ATP8A2: variants seen among roughly 807,000 people sequenced by gnomAD.
The protein encoded by ATP8A2 is phospholipid-transporting ATPase IB.
Under a neutral mutation model 165.6 loss-of-function variants are expected in ATP8A2, and 100 were observed. The observed-to-expected ratio is 0.60, with a 90% CI of 0.51 to 0.71. The LOEUF (loss-of-function observed/expected upper bound fraction) is 0.71, where lower values mean the gene tolerates loss of function less well. Ranked by LOEUF, ATP8A2 falls within the 30% of genes least tolerant of loss-of-function variation. ATP8A2 has a pLI of 0.00. For missense variants in ATP8A2, 1,227 were observed against 1,479.5 expected, an observed-to-expected ratio of 0.83 and a Z score of 2.80; for synonymous variants, 543 against 548.8, an observed-to-expected ratio of 0.99 and a Z score of 0.15.
chr13:26,002,894 GTA>G (rs1555303682), intron 35 of ATP8A2, among the ~76,000 whole-genome samples: 15 of 136,966 alleles, frequency 1.1e-4, no homozygotes, highest in African/African-American at 1.9e-4. Context: ...GTGTGTGTGT[GTA>G]TGTACCACAG....
chr13:25,555,797 A>G (rs752728866), intron 13 of ATP8A2, among the ~76,000 whole-genome samples: 12 of 151,934 alleles, frequency 7.9e-5, no homozygotes, highest in Non-Finnish European at 1.6e-4. Flanking sequence ...AGTAGTCCCC[A>G]GTGTCTCTTG....
intron 25 of ATP8A2, among the ~76,000 whole-genome samples, chr13:25,759,951 C>T (rs1432094855): frequency 1.3e-5 from 2 of 152,158 alleles, no homozygotes; most frequent in Non-Finnish European, 1.5e-5. Context: ...TGTGGACATG[C>T]GATAAAATTG....
Position 25,911,860 on chromosome 13 carries a change from T to C in ATP8A2, c.3183+49452T>C, listed in dbSNP as rs116796777. Reference sequence around the variant, plus strand: ...ATCGTTTTGCCTGGTACTGAGGCTCTAGAATTTGTTTTAAAAAATTAACTG... The same window carrying C: ...ATCGTTTTGCCTGGTACTGAGGCTCCAGAATTTGTTTTAAAAAATTAACTG... On this transcript the variant is annotated intron_variant, in intron 33 of 36. Transcript: ENST00000381655. Among the ~76,000 whole-genome samples, 1,451 of 152,348 alleles carry C rather than the reference T, an allele frequency of 9.5e-3. 22 individuals are homozygous for C. The highest frequency in any genetic ancestry group is 0.033 in the African/African-American group (1,365 of 41,560).
At chr13:25,616,326 CTTT>C (rs535891442) in intron 24 of ATP8A2, among the ~76,000 whole-genome samples, 22 of 106,722 alleles carry the variant, frequency 2.1e-4, no homozygotes, top group African/African-American at 7.2e-4. Flanking sequence ...TTCTTTCTTT[CTTT>C]TTTTTTTTTT....
chr13:25,864,652 A>G (rs2138777034), intron 33 of ATP8A2, among the ~76,000 whole-genome samples: 1 of 152,356 alleles, frequency 6.6e-6, no homozygotes, highest in Middle Eastern at 3.4e-3. Context: ...TTTTTCTTTA[A>G]AACATGTCAT....
intron 2 of ATP8A2, among the ~76,000 whole-genome samples, chr13:25,474,889 G>C (rs2137548126): frequency 6.6e-6 from 1 of 152,002 alleles, no homozygotes; most frequent in East Asian, 1.9e-4. Context: ...GGAGTGCAGT[G>C]GTGCAATCTC....
intron 33 of ATP8A2, among the ~76,000 whole-genome samples, chr13:25,916,698 G>A (rs1954277483): frequency 1.3e-5 from 2 of 152,156 alleles, no homozygotes; most frequent in Non-Finnish European, 2.9e-5. Flanking sequence ...GTCACTTTTT[G>A]TAGCTTTTGG....
In ATP8A2 at chr13:26,019,798, A is replaced by T. The variant is rs1181593346; in HGVS notation, c.3470-90A>T. On this transcript the variant is annotated intron_variant, in intron 36 of 36. Transcript: ENST00000381655. ...GAGGCCAGATGTCGCACTCACCCGCACGCTGCCAAAAAAAAGCAGCTTATT... is the reference window on the plus strand; with the variant it reads ...GAGGCCAGATGTCGCACTCACCCGCTCGCTGCCAAAAAAAAGCAGCTTATT... 2.2e-5 allele frequency: 19 copies of T among 863,926 alleles called. No individual in the cohort carries two copies. In the East Asian group the frequency reaches 4.6e-4, roughly 21 times the overall value. The allele number at this position is 863,926 out of a possible 1,614,324, so 53.5% of individuals were successfully genotyped here.
intron 33 of ATP8A2, among the ~76,000 whole-genome samples, chr13:25,884,910 G>A (rs1953096759): frequency 6.6e-6 from 1 of 152,084 alleles, no homozygotes; most frequent in South Asian, 2.1e-4. Context: ...CCTGGCCTCT[G>A]CCGACTGTTG....
intron 16 of ATP8A2, among the ~76,000 whole-genome samples, chr13:25,564,354 A>G (rs1220279324): frequency 6.6e-6 from 1 of 152,222 alleles, no homozygotes; most frequent in Non-Finnish European, 1.5e-5. Flanking sequence ...TTGTGAATCT[A>G]AGAGGCCAAG....
rs116750004 is a variant in ATP8A2, at chr13:25,830,393, T to G, written c.2754+2201T>G. Among the ~76,000 whole-genome samples the G allele has an allele frequency of 4.5e-3, 678 of 152,206 alleles. 4 individuals are homozygous for G. Among genetic ancestry groups the G allele is most frequent in the African/African-American group, 0.015 (641 of 41,524 alleles). On this transcript the variant is annotated intron_variant, in intron 28 of 36. Coordinates refer to ENST00000381655, the MANE Select transcript of ATP8A2 (RefSeq NM_016529.6). Reference sequence around the variant, plus strand: ...CCCCTAAACTATACAGAGAGTACACTGTGATAGAAAAGTGTATTTCAAGGT... The same window carrying G: ...CCCCTAAACTATACAGAGAGTACACGGTGATAGAAAAGTGTATTTCAAGGT...
intron 2 of ATP8A2, among the ~76,000 whole-genome samples, chr13:25,512,710 C>G (rs561158628): frequency 1.4e-5 from 2 of 141,786 alleles, no homozygotes; most frequent in African/African-American, 5.3e-5. Flanking sequence ...CCCTCCCGGA[C>G]GGGGCAGCTG....
At chr13:25,753,440 T>C (rs2044196522) in intron 25 of ATP8A2, among the ~76,000 whole-genome samples, 1 of 152,224 alleles carries the variant, frequency 6.6e-6, no homozygotes, top group African/African-American at 2.4e-5. Flanking sequence ...TTTGCCTTTC[T>C]ACAGAGTACA....
intron 19 of ATP8A2, among the ~76,000 whole-genome samples, chr13:25,575,437 A>G (rs1292073238): frequency 6.6e-6 from 1 of 152,230 alleles, no homozygotes; most frequent in Non-Finnish European, 1.5e-5. Flanking sequence ...ATAAGGAAAC[A>G]TATCTTAATT....
At chr13:25,921,170 T>C (rs1181998) in intron 33 of ATP8A2, among the ~76,000 whole-genome samples, 116,486 of 152,148 alleles carry the variant, frequency 0.77, 44,801 homozygotes, top group East Asian at 0.99. Flanking sequence ...CTCACTCCCA[T>C]TGCGTTGTAA....
At chr13:25,844,452 A>G (rs1951814652) in intron 30 of ATP8A2, among the ~76,000 whole-genome samples, 1 of 152,020 alleles carries the variant, frequency 6.6e-6, no homozygotes, top group Non-Finnish European at 1.5e-5. Flanking sequence ...GCTGGTCTCG[A>G]ACTCCTGACC....
intron 25 of ATP8A2, among the ~76,000 whole-genome samples, chr13:25,720,799 G>T (rs1314311635): frequency 6.6e-6 from 1 of 152,070 alleles, no homozygotes; most frequent in Admixed American, 6.5e-5. Context: ...CAATCCCTGT[G>T]CTACGACAGC....
chr13:25,806,928 A>G (rs1031797867), intron 27 of ATP8A2, among the ~76,000 whole-genome samples: 1 of 152,154 alleles, frequency 6.6e-6, no homozygotes, highest in Non-Finnish European at 1.5e-5. Flanking sequence ...ATGATGAGTA[A>G]GGATGTTAAA....
intron 30 of ATP8A2, among the ~76,000 whole-genome samples, chr13:25,845,604 A>G (rs1175095573): frequency 1.3e-5 from 2 of 152,146 alleles, no homozygotes. Context: ...TTTTTAATAA[A>G]TTTGCTCCTG....
Sources: allele counts gnomAD v4.1 joint callset (sites outside exome capture counted in the v4.1 genomes callset), GRCh38; gene constraint gnomAD v4.1.1; transcripts MANE v1.5; gene names NCBI Gene and HGNC (gene_info 2026-07-23, HGNC 2026-07-21).